ACTR8: variants seen among roughly 807,000 people sequenced by gnomAD.
ACTR8 encodes the protein actin-related protein 8.
ACTR8 carries 70 observed loss-of-function variants against 84.3 expected under a neutral mutation model. The ratio of observed to expected loss-of-function variants is 0.83; its 90% CI spans 0.68 to 1.01. The LOEUF (loss-of-function observed/expected upper bound fraction) is 1.01, where lower values mean the gene tolerates loss of function less well. ACTR8 is among the 50% of genes least tolerant of loss of function. The probability of loss-of-function intolerance (pLI) is 0.00; values close to 1 mark genes in which losing one functional copy is unlikely to be tolerated. For missense variants in ACTR8, 672 were observed against 775.4 expected (o/e 0.87, Z 1.58); for synonymous variants, 268 against 275.2 (o/e 0.97, Z 0.26).
Position 53,882,140 on chromosome 3 carries a change from T to G in ACTR8, c.-39A>C, listed in dbSNP as rs1486037168. ...ACCCACCAACCTCTCGCCTCAGCGC[T>G]GCAGCCACGACTGCCGGGATGGAAG... is the stretch of plus-strand genomic sequence containing the variant. On this transcript the variant is annotated 5_prime_UTR_variant, in exon 1 of 13. Transcript: ENST00000335754. The G allele has an allele frequency of 6.5e-7, 1 of 1,547,678 alleles. No individual in the cohort carries two copies. The highest frequency in any genetic ancestry group is 2.5e-5 in the East Asian group (1 of 40,810).
Position 53,872,312 on chromosome 3 carries a change from G to A in ACTR8, c.1302+72C>T, listed in dbSNP as rs1699894957. On this transcript the variant is annotated intron_variant, in intron 10 of 12. Coordinates refer to ENST00000335754, the MANE Select transcript of ACTR8 (RefSeq NM_022899.5). ...CTGGAAGATAGAACTGATTACAATG[G>A]CCTATTAACTCTGGACAAATTTCTC... 3.5e-6 allele frequency: 5 copies of A among 1,429,298 alleles called. 1 individual carries two copies. The highest frequency in any genetic ancestry group is 4.7e-6 in the Non-Finnish European group (5 of 1,074,474). The allele number at this position is 1,429,298 out of a possible 1,614,324, so 88.5% of individuals were successfully genotyped here.
chr3:53,873,924 A>G (rs1212929237), intron 8 of ACTR8, among the ~76,000 whole-genome samples: 2 of 152,094 alleles, frequency 1.3e-5, no homozygotes, highest in African/African-American at 4.8e-5. Context: ...TTCCAGGTTC[A>G]CGCCATTCTC....
At chr3:53,859,054 A>G in the ACTR8 span, 1 of 425,118 alleles carries the variant, frequency 2.4e-6, no homozygotes, top group South Asian at 4.7e-5. Flanking sequence ...CAGGATACAC[A>G]GAAGGGAAAA....
intron 12 of ACTR8, among the ~76,000 whole-genome samples, chr3:53,869,757 C>G (rs1228600872): frequency 6.6e-6 from 1 of 152,192 alleles, no homozygotes; most frequent in Admixed American, 6.5e-5. Context: ...GGAATTCAGT[C>G]ATGCTAGTTT....
the ACTR8 span, chr3:53,860,000 ACT>A: frequency 9.2e-6 from 6 of 652,848 alleles, no homozygotes; most frequent in South Asian, 6.9e-5. Flanking sequence ...ACAAAGCGAG[ACT>A]CTGTCTCAAA....
Position 53,879,896 on chromosome 3 carries a change from G to A in ACTR8, c.294+43C>T, listed in dbSNP as rs1700032587. 3 of 1,541,434 alleles carry A rather than the reference G, an allele frequency of 1.9e-6. No homozygotes were observed. The South Asian group carries it at 3.6e-5, about 19-fold the overall frequency. ...TGTACTTGTGTCTAAGCCCTCCCAG[G>A]GAAACAACCTTAGGCTTTCTCTCCA... On this transcript the variant is annotated intron_variant, in intron 2 of 12. Coordinates refer to ENST00000335754, the MANE Select transcript of ACTR8 (RefSeq NM_022899.5).
chr3:53,866,770 G>C (rs146980756), downstream of ACTR8, among the ~76,000 whole-genome samples: 2,719 of 152,194 alleles, frequency 0.018, 33 homozygotes, highest in Non-Finnish European at 0.028. Flanking sequence ...TGTGAGCCAC[G>C]GCGCCTGGCC....
In ACTR8 at chr3:53,882,124, C is replaced by T. The variant is rs1700076420; in HGVS notation, c.-23G>A. On this transcript the variant is annotated 5_prime_UTR_variant, in exon 1 of 13. Transcript: ENST00000335754. Reference sequence around the variant, plus strand: ...CATTATGGCCGGAGACACCCACCAACCTCTCGCCTCAGCGCTGCAGCCACG... The same window carrying T: ...CATTATGGCCGGAGACACCCACCAATCTCTCGCCTCAGCGCTGCAGCCACG... 1.3e-6 allele frequency: 2 copies of T among 1,550,884 alleles called. No individual in the cohort carries two copies. Among genetic ancestry groups the T allele is most frequent in the Middle Eastern group, 1.7e-4 (1 of 5,992 alleles).
rs1394303700 is a variant in ACTR8 at position 53,868,577 on chromosome 3, T to G, written c.*142A>C. 10 of 1,277,186 alleles carry G rather than the reference T, an allele frequency of 7.8e-6. No homozygotes were observed. Among genetic ancestry groups the G allele is most frequent in the Non-Finnish European group, 1.1e-5 (10 of 940,080 alleles). The allele number at this position is 1,277,186 out of a possible 1,614,324, so 79.1% of individuals were successfully genotyped here. ...TTTATATTTTCAAACCAATGTCATGTCCTCAACATAAAGTTCAAATTCATT... is the reference window on the plus strand; with the variant it reads ...TTTATATTTTCAAACCAATGTCATGGCCTCAACATAAAGTTCAAATTCATT... On this transcript the variant is annotated 3_prime_UTR_variant, in exon 13 of 13. Coordinates refer to ENST00000335754, the MANE Select transcript of ACTR8 (RefSeq NM_022899.5).
At chr3:53,881,940 A>T (rs1347223910) in intron 1 of ACTR8, 39 bp downstream of exon 1, 1 of 1,553,436 alleles carries the variant, frequency 6.4e-7, no homozygotes. Context: ...CGGAGGACCC[A>T]AGCAAGGGCA....
chr3:53,873,927 C>G (rs1699927878), intron 8 of ACTR8, among the ~76,000 whole-genome samples: 1 of 152,188 alleles, frequency 6.6e-6, no homozygotes, highest in Non-Finnish European at 1.5e-5. Flanking sequence ...CAGGTTCACG[C>G]CATTCTCCCG....
Position 53,882,140 on chromosome 3 carries a change from T to A in ACTR8, c.-39A>T. ...ACCCACCAACCTCTCGCCTCAGCGC[T>A]GCAGCCACGACTGCCGGGATGGAAG... On this transcript the variant is annotated 5_prime_UTR_variant, in exon 1 of 13. Transcript: ENST00000335754. 6.5e-7 allele frequency: 1 copy of A among 1,547,678 alleles called. No individual in the cohort carries two copies. The highest frequency in any genetic ancestry group is 8.7e-7 in the Non-Finnish European group (1 of 1,144,278).
At chr3:53,865,610 T>C (rs146382687), downstream of ACTR8, 36 of 312,212 alleles carry the variant, frequency 1.2e-4, no homozygotes, top group African/African-American at 3.0e-4. Flanking sequence ...TAGTCTTCCA[T>C]AGACCATGCA....
At position 53,876,711 on chromosome 3, in the gene ACTR8, A is replaced by T. The variant is rs1212769554; in HGVS notation, c.687T>A (p.Tyr229Ter). The T allele has an allele frequency of 2.7e-6, 4 of 1,461,964 alleles. No homozygotes were observed. The highest frequency in any genetic ancestry group is 3.8e-6 in the Non-Finnish European group (4 of 1,060,152). 90.6% of individuals were successfully genotyped at this position (1,461,964 alleles called of 1,614,324 possible). ...CAGGAATTAACAAGATACATCTATA[A>T]TACTAAAAAGAAGAACAAAGATAAA... ...YLEIPLKDLK[Y>*]YRCILLIPDI... The change falls in exon 6 of 13, where the codon TAT (tyrosine) becomes TAA (stop). Residue 229 changes from tyrosine (Y) to a stop codon, truncating the protein, a stop_gained and splice_region_variant. Transcript: ENST00000335754. LOFTEE classifies it high-confidence loss of function.
chr3:53,862,666 T>C (rs1699607253), downstream of ACTR8, among the ~76,000 whole-genome samples: 1 of 152,176 alleles, frequency 6.6e-6, no homozygotes, highest in South Asian at 2.1e-4. Flanking sequence ...TGTGAGGTGA[T>C]GATGAAGACG....
At chr3:53,876,246 C>G (rs6802704) in intron 6 of ACTR8, among the ~76,000 whole-genome samples, 166 bp from the exon 7 acceptor site, 1 of 152,078 alleles carries the variant, frequency 6.6e-6, no homozygotes, top group Non-Finnish European at 1.5e-5. Context: ...AGGCCCGGCG[C>G]GGTGGCTCAC....
Position 53,874,293 on chromosome 3 carries a change from G to A in ACTR8, c.983C>T (p.Pro328Leu). ...FYWLMQRAGF[P>L]YRECQLTNKM... is the part of the protein sequence containing the mutation. ...ATTTGTTAACTGGCATTCTCTGTAA[G>A]GGAACCCAGCTCGCTGCATTAGCCA... is the stretch of plus-strand genomic sequence containing the variant. Residue 328 changes from proline (P) to leucine (L), a missense_variant, in exon 8 of 13, where the codon CCT becomes CTT. Physicochemically the swap from Pro to Leu is moderately conservative, Grantham distance 98. Transcript: ENST00000335754. 6.2e-7 allele frequency: 1 copy of A among 1,614,184 alleles called. No individual in the cohort carries two copies. Among genetic ancestry groups the A allele is most frequent in the East Asian group, 2.2e-5 (1 of 44,880 alleles).
rs1030771952 is a variant in ACTR8, at chr3:53,871,119, A to C, written c.1567+113T>G. 4 of 1,411,728 alleles carry C rather than the reference A, an allele frequency of 2.8e-6. No individual in the cohort carries two copies. In the South Asian group the frequency reaches 4.2e-5, roughly 15 times the overall value. 87.5% of individuals were successfully genotyped at this position (1,411,728 alleles called of 1,614,324 possible). On this transcript the variant is annotated intron_variant, in intron 11 of 12. Transcript: ENST00000335754. ...GGCAATGCAAGCCAAGTAGGCGCTT[A>C]ATCACTTTTCAATGAATATGTTATA...
chr3:53,864,783 A>G, downstream of ACTR8: 1 of 1,613,520 alleles, frequency 6.2e-7, no homozygotes, highest in Non-Finnish European at 8.5e-7. Flanking sequence ...CCACCACACT[A>G]CTGCCCCCCA....
Sources: gnomAD v4.1 joint callset for allele counts (sites outside exome capture counted in the v4.1 genomes callset) on GRCh38, gnomAD v4.1.1 for gene constraint, MANE v1.5 for transcripts, NCBI Gene and HGNC (gene_info 2026-07-23, HGNC 2026-07-21) for gene names.